Variants in OLFM3 observed in about 807,000 individuals in gnomAD.
OLFM3 encodes noelin-3.
OLFM3 carries 20 observed loss-of-function variants against 48.6 expected under a neutral mutation model. That is an observed-to-expected ratio of 0.41 (90% CI 0.29 to 0.60). OLFM3 has a LOEUF of 0.60. Among genes scored for constraint, OLFM3 ranks in the 20% least tolerant of loss-of-function variants. The pLI is 0.28. For synonymous variants in OLFM3, 222 were observed against 198.1 expected (o/e 1.12, Z -1.01); for missense variants, 437 against 544.3 (o/e 0.80, Z 1.96).
intron 1 of OLFM3, among the ~76,000 whole-genome samples, chr1:101,909,136 T>C (rs1282505711): frequency 6.6e-6 from 1 of 152,200 alleles, no homozygotes; most frequent in Non-Finnish European, 1.5e-5. Flanking sequence ...CACTCTGCCC[T>C]GGGGCTTCTC....
intron 2 of OLFM3, among the ~76,000 whole-genome samples, chr1:101,831,995 T>C (rs555635878): frequency 2.7e-4 from 41 of 152,266 alleles, no homozygotes; most frequent in Admixed American, 1.5e-3. Context: ...CTCCGCCTCC[T>C]GGGTTCAAAA....
chr1:101,994,998 T>C (rs535653902), intron 1 of OLFM3, among the ~76,000 whole-genome samples: 88 of 152,204 alleles, frequency 5.8e-4, no homozygotes, highest in Non-Finnish European at 1.2e-3. Context: ...ATTTTAAAAA[T>C]GTCTTCATAT....
intron 1 of OLFM3, among the ~76,000 whole-genome samples, chr1:101,911,790 G>A (rs1244930781): frequency 6.6e-6 from 1 of 152,082 alleles, no homozygotes; most frequent in African/African-American, 2.4e-5. Flanking sequence ...GAAGAAGGAA[G>A]ATTATTAATT....
At chr1:101,805,759 T>C (rs564007232) in intron 5 of OLFM3, among the ~76,000 whole-genome samples, 1 of 151,918 alleles carries the variant, frequency 6.6e-6, no homozygotes, top group South Asian at 2.1e-4. Context: ...TTTTCACTTA[T>C]TTAGTGCTAT....
Position 101,985,965 on chromosome 1 carries a change from A to ATT in OLFM3, c.69+10781_69+10782dup, listed in dbSNP as rs397973710. On this transcript the variant is annotated intron_variant, in intron 1 of 5. Transcript: ENST00000370103. Reference sequence around the variant, plus strand: ...AAAGAATGAAAAAATGATGAACTACATTTTTTTTTTTTTTTTTTGACACAG... The same window carrying ATT: ...AAAGAATGAAAAAATGATGAACTACATTTTTTTTTTTTTTTTTTTTGACACAG... 3.7e-3 allele frequency among the ~76,000 whole-genome samples: 503 copies of ATT among 134,904 alleles called. 4 individuals carry two copies. The highest frequency in any genetic ancestry group is 5.2e-3 in the Non-Finnish European group (325 of 62,664). The allele number at this position is 134,904 out of a possible 152,430, so 88.5% of individuals were successfully genotyped here.
intron 1 of OLFM3, among the ~76,000 whole-genome samples, chr1:101,924,928 G>C (rs1347338041): frequency 6.6e-6 from 1 of 152,188 alleles, no homozygotes; most frequent in Non-Finnish European, 1.5e-5. Flanking sequence ...CAATTTGTAA[G>C]AAGGACTATA....
At chr1:101,832,059 C>T (rs545363773) in intron 2 of OLFM3, among the ~76,000 whole-genome samples, 29 of 152,238 alleles carry the variant, frequency 1.9e-4, no homozygotes, top group South Asian at 8.3e-4. Flanking sequence ...CACGCCACTA[C>T]GCCTGGCTAA....
chr1:101,910,970 A>G (rs1201956405), intron 1 of OLFM3, among the ~76,000 whole-genome samples: 1 of 152,188 alleles, frequency 6.6e-6, no homozygotes, highest in Admixed American at 6.5e-5. Context: ...TATTCACTCA[A>G]TAGAGTTATT....
chr1:101,948,214 T>C (rs930605779), intron 1 of OLFM3, among the ~76,000 whole-genome samples: 1 of 152,230 alleles, frequency 6.6e-6, no homozygotes, highest in Non-Finnish European at 1.5e-5. Flanking sequence ...ATGTCAGTTC[T>C]GTCCCTTATT....
intron 1 of OLFM3, among the ~76,000 whole-genome samples, chr1:101,873,559 A>C (rs1657176207): frequency 1.3e-5 from 2 of 151,890 alleles, no homozygotes; most frequent in African/African-American, 4.8e-5. Flanking sequence ...GCTGGGGCCC[A>C]GGTGGGGGGT....
intron 1 of OLFM3, among the ~76,000 whole-genome samples, chr1:101,996,345 C>T (rs1661555658): frequency 6.6e-6 from 1 of 152,156 alleles, no homozygotes; most frequent in Admixed American, 6.5e-5. Context: ...AAACGCTTCC[C>T]TGCTTTCAAC....
chr1:101,950,568 A>G (rs1660113903), intron 1 of OLFM3, among the ~76,000 whole-genome samples: 1 of 151,234 alleles, frequency 6.6e-6, no homozygotes, highest in African/African-American at 2.4e-5. Context: ...CCTCCCGAGT[A>G]GCTGGGACTA....
At chr1:101,864,652 T>G (rs975459441) in intron 1 of OLFM3, among the ~76,000 whole-genome samples, 3 of 152,290 alleles carry the variant, frequency 2.0e-5, no homozygotes. Context: ...GAGGAATGTG[T>G]ATTTTGCATT....
chr1:101,922,106 A>G (rs1428880904), intron 1 of OLFM3, among the ~76,000 whole-genome samples: 1 of 152,014 alleles, frequency 6.6e-6, no homozygotes, highest in African/African-American at 2.4e-5. Context: ...GACACAAGAG[A>G]GGGTGTGGTC....
At chr1:101,805,739 G>T (rs1304053671) in intron 5 of OLFM3, among the ~76,000 whole-genome samples, 2 of 151,666 alleles carry the variant, frequency 1.3e-5, no homozygotes, top group Non-Finnish European at 3.0e-5. Flanking sequence ...AGGGAAGTTT[G>T]CCCTTGAGTT....
At chr1:101,977,168 T>G (rs1158735059) in intron 1 of OLFM3, among the ~76,000 whole-genome samples, 1 of 152,208 alleles carries the variant, frequency 6.6e-6, no homozygotes, top group Admixed American at 6.5e-5. Context: ...TAAAAGCATT[T>G]GTAATTAAAT....
chr1:101,859,612 A>AAAAATCC (rs1262210020), intron 1 of OLFM3, among the ~76,000 whole-genome samples: 1 of 152,132 alleles, frequency 6.6e-6, no homozygotes. Context: ...TTTCTAATCC[A>AAAAATCC]AAAATCCAAA....
At chr1:101,976,887 T>C (rs1660970026) in intron 1 of OLFM3, among the ~76,000 whole-genome samples, 1 of 152,178 alleles carries the variant, frequency 6.6e-6, no homozygotes, top group South Asian at 2.1e-4. Flanking sequence ...TTAATAGATG[T>C]ACTTGGTTTG....
At chr1:101,867,851 T>C (rs980381958) in intron 1 of OLFM3, among the ~76,000 whole-genome samples, 1 of 152,178 alleles carries the variant, frequency 6.6e-6, no homozygotes, top group African/African-American at 2.4e-5. Context: ...TCCCTATGTG[T>C]CGTGGGAGGG....
Sources: gnomAD v4.1 joint callset for allele counts (sites outside exome capture counted in the v4.1 genomes callset) on GRCh38, gnomAD v4.1.1 for gene constraint, MANE v1.5 for transcripts, NCBI Gene and HGNC (gene_info 2026-07-23, HGNC 2026-07-21) for gene names.